CLEC16A: variants seen among roughly 807,000 people sequenced by gnomAD.
CLEC16A encodes protein CLEC16A.
A neutral mutation model predicts 109.5 loss-of-function variants in CLEC16A; 51 were observed. The ratio of observed to expected loss-of-function variants is 0.47; its 90% CI spans 0.37 to 0.59. The LOEUF (loss-of-function observed/expected upper bound fraction) is 0.59. Among genes scored for constraint, CLEC16A ranks in the 20% least tolerant of loss-of-function variants. The probability of loss-of-function intolerance (pLI) is 0.00; values close to 1 mark genes in which losing one functional copy is unlikely to be tolerated. For synonymous variants in CLEC16A, 673 were observed against 564.2 expected (o/e 1.19, Z -2.73); for missense variants, 1,339 against 1,394.0 (o/e 0.96, Z 0.63).
intron 13 of CLEC16A, 130 bp from the exon 14 acceptor site, chr16:11,039,624 A>T (rs2047209770): frequency 1.8e-6 from 2 of 1,140,294 alleles, no homozygotes; most frequent in Non-Finnish European, 2.4e-6. Context: ...AGAAAAGAAA[A>T]AGGAAAAGAA....
chr16:11,017,303 A>G (rs553461599), intron 11 of CLEC16A, among the ~76,000 whole-genome samples: 85 of 152,330 alleles, frequency 5.6e-4, no homozygotes, highest in Middle Eastern at 3.4e-3. Flanking sequence ...ACAGTGGAGA[A>G]CAAGACACAT....
At chr16:11,137,800 C>T (rs1026553640) in intron 22 of CLEC16A, among the ~76,000 whole-genome samples, 1 of 151,934 alleles carries the variant, frequency 6.6e-6, no homozygotes, top group Non-Finnish European at 1.5e-5. Context: ...CAGAGCGAGA[C>T]TCCCTCTCAA....
At chr16:11,060,878 C>T in intron 18 of CLEC16A, 24 bp from the exon 19 acceptor site, 2 of 1,588,482 alleles carry the variant, frequency 1.3e-6, no homozygotes, top group East Asian at 2.3e-5. Context: ...TCACTCTTCT[C>T]TGCTCTCTGA....
At chr16:11,064,564 C>T (rs1168027427) in intron 19 of CLEC16A, among the ~76,000 whole-genome samples, 1 of 152,144 alleles carries the variant, frequency 6.6e-6, no homozygotes, top group Non-Finnish European at 1.5e-5. Flanking sequence ...ATCACTTGAG[C>T]TCAGGAGTTC....
rs910455249 is a variant in CLEC16A, at chr16:11,180,646, A to G, written c.*1956A>G. The G allele has an allele frequency of 6.6e-6, 1 of 152,284 alleles. No individual in the cohort carries two copies. The highest frequency in any genetic ancestry group is 1.5e-5 in the Non-Finnish European group (1 of 68,082). The allele number at this position is 152,284 out of a possible 1,614,324, so 9.4% of individuals were successfully genotyped here. A position where few individuals can be genotyped will look rare whatever the true frequency, so the allele number is the denominator to read the frequency against. On this transcript the variant is annotated 3_prime_UTR_variant, in exon 24 of 24. Transcript: ENST00000409790. ...GCTGGAGATGGCTAGCCCCTGAGAC[A>G]TGCACTTCTGGTTTTGAAATGACTC...
Position 10,974,263 on chromosome 16 carries a change from A to G in CLEC16A, c.728+1202A>G, listed in dbSNP as rs554478896. Among the ~76,000 whole-genome samples the G allele has an allele frequency of 5.7e-4, 86 of 152,210 alleles. 1 individual carries two copies. Among genetic ancestry groups the G allele is most frequent in the South Asian group, 2.5e-3 (12 of 4,816 alleles). On this transcript the variant is annotated intron_variant, in intron 7 of 23. Coordinates refer to ENST00000409790, the MANE Select transcript of CLEC16A (RefSeq NM_015226.3). ...AAATTGACTGTGATCATGGTCAGGC[A>G]ACTATGTGACTCTACCAAAAACCAT...
intron 1 of CLEC16A, among the ~76,000 whole-genome samples, chr16:10,952,530 T>G (rs1441314922): frequency 6.6e-6 from 1 of 152,172 alleles, no homozygotes; most frequent in African/African-American, 2.4e-5. Flanking sequence ...ATTAAAATGT[T>G]TATATCTCTG....
chr16:10,959,914 A>G (rs925223839), intron 2 of CLEC16A, among the ~76,000 whole-genome samples: 1 of 152,054 alleles, frequency 6.6e-6, no homozygotes, highest in Non-Finnish European at 1.5e-5. Context: ...CACCCTGCCT[A>G]GAACGGACGT....
chr16:11,027,585 C>G, intron 13 of CLEC16A: 3 of 1,556,402 alleles, frequency 1.9e-6, no homozygotes, highest in Non-Finnish European at 2.6e-6. Flanking sequence ...CTTGGAAGAC[C>G]TCATTCATGA....
intron 19 of CLEC16A, among the ~76,000 whole-genome samples, chr16:11,084,805 C>G (rs532547275): frequency 1.3e-4 from 20 of 152,198 alleles, no homozygotes; most frequent in Admixed American, 5.9e-4. Flanking sequence ...AAAGCCTGCC[C>G]TTGTTCAGCG....
intron 18 of CLEC16A, among the ~76,000 whole-genome samples, chr16:11,057,408 A>T (rs1220617680): frequency 6.6e-6 from 1 of 152,190 alleles, no homozygotes; most frequent in East Asian, 1.9e-4. Context: ...TTTCCAGAAC[A>T]CAAGCCTGGG....
intron 23 of CLEC16A, 142 bp downstream of exon 23, chr16:11,166,694 C>G (rs954138028): frequency 1.2e-6 from 1 of 855,202 alleles, no homozygotes; most frequent in East Asian, 3.1e-5. Context: ...CACATGAAGC[C>G]TCTAGAGATT....
chr16:11,178,100 C>G lies in CLEC16A; in HGVS notation c.2807-235C>G, dbSNP rs1260109558. Among the ~76,000 whole-genome samples, 2 of 152,164 alleles carry G rather than the reference C, an allele frequency of 1.3e-5. No individual in the cohort carries two copies. Among genetic ancestry groups the G allele is most frequent in the African/African-American group, 4.8e-5 (2 of 41,424 alleles). ...CAGGCCCTGAATTTTCCCCTCATATCACAAGTCAGGGTAACCCTAGGCCCT... is the reference window on the plus strand; with the variant it reads ...CAGGCCCTGAATTTTCCCCTCATATGACAAGTCAGGGTAACCCTAGGCCCT... On this transcript the variant is annotated intron_variant, in intron 23 of 23. Transcript: ENST00000409790. The surrounding 1 kb of genome is among the most constrained non-coding windows in gnomAD (Gnocchi z 6.5).
At chr16:10,992,991 C>T (rs1441734414) in intron 10 of CLEC16A, among the ~76,000 whole-genome samples, 1 of 151,936 alleles carries the variant, frequency 6.6e-6, no homozygotes, top group Non-Finnish European at 1.5e-5. Flanking sequence ...AATGGTGAGT[C>T]AGAGGCCTCT....
At chr16:10,979,201 A>G in intron 8 of CLEC16A, 128 bp from the exon 9 acceptor site, 1 of 737,752 alleles carries the variant, frequency 1.4e-6, no homozygotes, top group African/African-American at 1.8e-5. Context: ...GGACAGCCCT[A>G]GGGCCGTGGA....
intron 1 of CLEC16A, among the ~76,000 whole-genome samples, chr16:10,956,550 A>G (rs1567499089): frequency 6.6e-6 from 1 of 152,174 alleles, no homozygotes; most frequent in South Asian, 2.1e-4. Flanking sequence ...TGACAGGTGA[A>G]GTTACCTGGG....
intron 17 of CLEC16A, among the ~76,000 whole-genome samples, chr16:11,048,725 A>G (rs1359253938): frequency 1.3e-5 from 2 of 152,112 alleles, no homozygotes; most frequent in Non-Finnish European, 2.9e-5. Flanking sequence ...CTGCTCATCT[A>G]CAGCCCCTCA....
intron 19 of CLEC16A, among the ~76,000 whole-genome samples, chr16:11,116,725 G>C (rs1047469082): frequency 6.6e-6 from 1 of 152,182 alleles, no homozygotes; most frequent in African/African-American, 2.4e-5. Flanking sequence ...AGCCCAGTTT[G>C]TTATCGTGTG....
chr16:11,103,396 A>G (rs2051036717), intron 19 of CLEC16A, among the ~76,000 whole-genome samples: 1 of 152,212 alleles, frequency 6.6e-6, no homozygotes, highest in South Asian at 2.1e-4. Context: ...CCTGGCCAAC[A>G]TGGTGAAACC....
Sources: allele counts gnomAD v4.1 joint callset (sites outside exome capture counted in the v4.1 genomes callset), GRCh38; gene constraint gnomAD v4.1.1; non-coding constraint Gnocchi (gnomAD v3.1); transcripts MANE v1.5; gene names NCBI Gene and HGNC (gene_info 2026-07-23, HGNC 2026-07-21).